Variants in B3GALNT1 observed in about 807,000 individuals in gnomAD.
The protein encoded by B3GALNT1 is UDP-GalNAc:beta-1,3-N-acetylgalactosaminyltransferase 1.
In B3GALNT1, 17 loss-of-function variants were observed where a neutral mutation model predicts 27.3. The ratio of observed to expected loss-of-function variants is 0.62; its 90% CI spans 0.43 to 0.94. The LOEUF is 0.94. Ranked by LOEUF, B3GALNT1 falls within the 40% of genes least tolerant of loss-of-function variation. B3GALNT1 has a pLI of 0.00. For synonymous variants in B3GALNT1, 141 were observed against 144.0 expected, an observed-to-expected ratio of 0.98 and a Z score of 0.15; for missense variants, 347 against 390.0, an observed-to-expected ratio of 0.89 and a Z score of 0.93.
At chr3:161,086,842 A>C in intron 4 of B3GALNT1, 54 bp from the exon 5 acceptor site, 2 of 1,525,590 alleles carry the variant, frequency 1.3e-6, no homozygotes, top group Non-Finnish European at 1.8e-6. Flanking sequence ...ACACATTTTC[A>C]AAAGACATCT....
Position 161,085,343 on chromosome 3 carries a change from A to AT in B3GALNT1, c.*415dup, listed in dbSNP as rs1213972802. The AT allele has an allele frequency of 1.2e-5, 2 of 170,026 alleles. No individual in the cohort carries two copies. Among genetic ancestry groups the AT allele is most frequent in the East Asian group, 3.3e-4 (2 of 6,096 alleles). 10.5% of individuals were successfully genotyped at this position (170,026 alleles called of 1,614,324 possible). On this transcript the variant is annotated 3_prime_UTR_variant, in exon 5 of 5. Transcript: ENST00000320474. ...AGTTTTTTGACACAGAACTACATATATTTTTAAATTGGTAATCCACATAAG... is the reference window on the plus strand; with the variant it reads ...AGTTTTTTGACACAGAACTACATATATTTTTTAAATTGGTAATCCACATAAG...
chr3:161,104,510 T>C, intron 1 of B3GALNT1, 104 bp from the exon 2 acceptor site: 1 of 438,410 alleles, frequency 2.3e-6, no homozygotes, highest in Non-Finnish European at 4.0e-6. Flanking sequence ...AGACTACCCG[T>C]ACTTGAGGAT....
rs33946641 is a variant in B3GALNT1 at position 161,092,763 on chromosome 3, C to CTTTTTT, written c.-34-5981_-34-5976dup. 1.4e-3 allele frequency among the ~76,000 whole-genome samples: 148 copies of CTTTTTT among 104,810 alleles called. 1 individual carries two copies. The highest frequency in any genetic ancestry group is 5.7e-3 in the Middle Eastern group (1 of 174). 68.8% of individuals were successfully genotyped at this position (104,810 alleles called of 152,430 possible). On this transcript the variant is annotated intron_variant, in intron 4 of 4. Coordinates refer to ENST00000320474, the MANE Select transcript of B3GALNT1 (RefSeq NM_003781.4). Reference sequence around the variant, plus strand: ...TTACCTTCTCAAAAGTTTCATTTTTCTTTTTTTTTTTTTTTTTTTTTGAGA... The same window carrying CTTTTTT: ...TTACCTTCTCAAAAGTTTCATTTTTCTTTTTTTTTTTTTTTTTTTTTTTTTTTGAGA...
intron 3 of B3GALNT1, 66 bp from the exon 4 acceptor site, chr3:161,101,299 T>G: frequency 1.0e-6 from 1 of 996,622 alleles, no homozygotes; most frequent in Non-Finnish European, 1.4e-6. Flanking sequence ...AAGCTGGGCT[T>G]TCTGTGTCTG....
At chr3:161,104,586 C>T in intron 1 of B3GALNT1, 180 bp from the exon 2 acceptor site, 1 of 350,788 alleles carries the variant, frequency 2.9e-6, no homozygotes, top group Non-Finnish European at 5.5e-6. Flanking sequence ...TTTTAAAACG[C>T]CCTGTATGTT....
chr3:161,091,947 T>G (rs1345801680), intron 4 of B3GALNT1, among the ~76,000 whole-genome samples: 1 of 152,246 alleles, frequency 6.6e-6, no homozygotes, highest in Non-Finnish European at 1.5e-5. Flanking sequence ...GCTATCTGTA[T>G]GATGCCAAAG....
chr3:161,094,339 G>A (rs572750882), intron 4 of B3GALNT1, among the ~76,000 whole-genome samples: 2 of 152,200 alleles, frequency 1.3e-5, no homozygotes, highest in East Asian at 3.9e-4. Flanking sequence ...TTTTTAACAA[G>A]AACAGTAACT....
chr3:161,086,122 A>G lies in B3GALNT1; in HGVS notation c.633T>C (p.Asp211=). ...EKFFTGYPLI[D]NYSYRGFYQK... is the part of the protein sequence containing the mutation. ...GGTAAAATCCTCTATAGGAATAATT[A>G]TCAATTAGAGGATAACCTGTGAAAA... is the stretch of plus-strand genomic sequence containing the variant. Residue 211 remains aspartate, a synonymous_variant, in exon 5 of 5, where the codon GAT becomes GAC. Transcript: ENST00000320474. The G allele has an allele frequency of 6.2e-7, 1 of 1,607,326 alleles. No homozygotes were observed. The highest frequency in any genetic ancestry group is 8.5e-7 in the Non-Finnish European group (1 of 1,177,146).
At chr3:161,101,117 A>T in intron 4 of B3GALNT1, 22 bp downstream of exon 4, 1 of 1,285,432 alleles carries the variant, frequency 7.8e-7, no homozygotes, top group Non-Finnish European at 1.0e-6. Context: ...GGGAGCAAAG[A>T]ATGCAGCAGA....
At chr3:161,097,342 A>G (rs1366901284) in intron 4 of B3GALNT1, among the ~76,000 whole-genome samples, 1 of 152,172 alleles carries the variant, frequency 6.6e-6, no homozygotes, top group Non-Finnish European at 1.5e-5. Context: ...TCCACACTAT[A>G]TGCTTCCTCT....
At chr3:161,091,443 G>A (rs185288297) in intron 4 of B3GALNT1, among the ~76,000 whole-genome samples, 28 of 152,110 alleles carry the variant, frequency 1.8e-4, no homozygotes, top group Middle Eastern at 3.4e-3. Flanking sequence ...TTTAAATCGC[G>A]CACTGTTCTG....
chr3:161,087,921 G>A (rs117459764), intron 4 of B3GALNT1, among the ~76,000 whole-genome samples: 1 of 152,172 alleles, frequency 6.6e-6, no homozygotes, highest in Non-Finnish European at 1.5e-5. Context: ...AGTACACACT[G>A]TTTACATCAA....
Position 161,086,053 on chromosome 3 carries a change from G to C in B3GALNT1, c.702C>G (p.Phe234Leu), listed in dbSNP as rs373047378. Residue 234 changes from phenylalanine (F) to leucine (L), a missense_variant, in exon 5 of 5, where the codon TTC (phenylalanine) becomes TTG (leucine). By Grantham distance (22) the Phe-to-Leu change is conservative. Transcript: ENST00000320474. The stretch of plus-strand genomic sequence containing the variant: ...AACCCAACCCACTGCAGTATGGAGG[G>C]AACACCTTGAAAGGATACTCCTGGT... ...ISYQEYPFKV[F>L]PPYCSGLGYI... 7 of 1,592,206 alleles carry C rather than the reference G, an allele frequency of 4.4e-6. No individual in the cohort carries two copies. Among genetic ancestry groups the C allele is most frequent in the Non-Finnish European group, 6.0e-6 (7 of 1,171,252 alleles).
At chr3:161,101,278 G>T in intron 3 of B3GALNT1, 45 bp from the exon 4 acceptor site, 1 of 1,181,124 alleles carries the variant, frequency 8.5e-7, no homozygotes. Context: ...ACAGCAGCAA[G>T]ACTGCCCTGA....
intron 4 of B3GALNT1, among the ~76,000 whole-genome samples, chr3:161,092,519 A>G (rs995047899): frequency 8.5e-5 from 13 of 152,056 alleles, no homozygotes; most frequent in African/African-American, 3.1e-4. Flanking sequence ...TTAAAGGGGG[A>G]AAAAAACACT....
intron 4 of B3GALNT1, among the ~76,000 whole-genome samples, chr3:161,093,127 T>G (rs1327169980): frequency 1.3e-5 from 2 of 152,306 alleles, no homozygotes; most frequent in East Asian, 3.9e-4. Flanking sequence ...TGGAAAGAAC[T>G]TGGATTAACC....
chr3:161,097,838 T>A (rs1204441008), intron 4 of B3GALNT1, among the ~76,000 whole-genome samples: 1 of 152,230 alleles, frequency 6.6e-6, no homozygotes, highest in Non-Finnish European at 1.5e-5. Context: ...ACTTTGAGGA[T>A]TGTGCATATT....
At chr3:161,086,871 A>G in intron 4 of B3GALNT1, 83 bp from the exon 5 acceptor site, 4 of 1,387,566 alleles carry the variant, frequency 2.9e-6, no homozygotes, top group Non-Finnish European at 4.0e-6. Flanking sequence ...ACTCAAGGAG[A>G]AAGAGTAGGA....
chr3:161,086,885 C>T, intron 4 of B3GALNT1, 97 bp from the exon 5 acceptor site: 1 of 1,296,760 alleles, frequency 7.7e-7, no homozygotes. Flanking sequence ...AGTAGGAGAA[C>T]AGAATCTCCA....
Sources: allele counts gnomAD v4.1 joint callset (sites outside exome capture counted in the v4.1 genomes callset), GRCh38; gene constraint gnomAD v4.1.1; transcripts MANE v1.5; gene names NCBI Gene and HGNC (gene_info 2026-07-23, HGNC 2026-07-21).